UNC5D: variants seen among roughly 807,000 people sequenced by gnomAD.
UNC5D encodes the protein netrin receptor UNC5D.
UNC5D carries 39 observed loss-of-function variants against 105.4 expected under a neutral mutation model. The observed-to-expected ratio is 0.37, with a 90% CI of 0.29 to 0.48. The LOEUF (loss-of-function observed/expected upper bound fraction) is 0.48. Ranked by LOEUF, UNC5D falls within the 20% of genes least tolerant of loss-of-function variation. The pLI is 0.98. For synonymous variants in UNC5D, 452 were observed against 450.4 expected (o/e 1.00, Z -0.04); for missense variants, 991 against 1,202.4 (o/e 0.82, Z 2.60).
At position 35,627,627 on chromosome 8, in the gene UNC5D, T is replaced by A. The variant is rs535745908; in HGVS notation, c.570+31970T>A. Reference sequence around the variant, plus strand: ...GCCATTCCCCAGTTGACAGTACTGTTTTTAAAAAGAATAAAACTTGACTGG... The same window carrying A: ...GCCATTCCCCAGTTGACAGTACTGTATTTAAAAAGAATAAAACTTGACTGG... On this transcript the variant is annotated intron_variant, in intron 4 of 16. Transcript: ENST00000404895. Among the ~76,000 whole-genome samples, 3 of 152,266 alleles carry A rather than the reference T, an allele frequency of 2.0e-5. No individual in the cohort carries two copies. The South Asian group carries it at 6.2e-4, about 32-fold the overall frequency.
chr8:35,432,273 T>C (rs1314142301), intron 1 of UNC5D, among the ~76,000 whole-genome samples: 1 of 152,180 alleles, frequency 6.6e-6, no homozygotes, highest in Non-Finnish European at 1.5e-5. Context: ...ACCTCTATTA[T>C]TGTTGTTATT....
intron 1 of UNC5D, among the ~76,000 whole-genome samples, chr8:35,485,040 G>T (rs1810737318): frequency 6.6e-6 from 1 of 152,130 alleles, no homozygotes; most frequent in African/African-American, 2.4e-5. Context: ...GAGATGTATG[G>T]TAGCAACACT....
chr8:35,667,908 A>G (rs2131262334), intron 4 of UNC5D, among the ~76,000 whole-genome samples: 1 of 152,316 alleles, frequency 6.6e-6, no homozygotes, highest in East Asian at 1.9e-4. Context: ...AGTTGTGATT[A>G]AAGTTATTCT....
intron 1 of UNC5D, among the ~76,000 whole-genome samples, chr8:35,469,443 T>C (rs1809551636): frequency 6.6e-6 from 1 of 152,156 alleles, no homozygotes; most frequent in South Asian, 2.1e-4. Flanking sequence ...AAAGAGCCCA[T>C]AGATTACCAA....
intron 10 of UNC5D, chr8:35,726,756 C>A: frequency 1.6e-6 from 1 of 629,588 alleles, no homozygotes; most frequent in Non-Finnish European, 2.7e-6. Context: ...CTTTGATTCC[C>A]TGTTAGAGCT....
intron 1 of UNC5D, among the ~76,000 whole-genome samples, chr8:35,498,789 G>A (rs1230205359): frequency 6.6e-6 from 1 of 151,994 alleles, no homozygotes; most frequent in Non-Finnish European, 1.5e-5. Context: ...AATCGCTAAA[G>A]GAAATGTGTG....
chr8:35,265,438 A>G (rs1174445173), intron 1 of UNC5D, among the ~76,000 whole-genome samples: 2 of 152,204 alleles, frequency 1.3e-5, no homozygotes, highest in African/African-American at 4.8e-5. Context: ...GCAGCTATAG[A>G]CAATCCATTA....
At chr8:35,456,978 G>C (rs1341985564) in intron 1 of UNC5D, among the ~76,000 whole-genome samples, 1 of 152,148 alleles carries the variant, frequency 6.6e-6, no homozygotes, top group South Asian at 2.1e-4. Context: ...TATGTTACTT[G>C]TGGTGCATTT....
At chr8:35,754,708 T>C (rs1021997364) in intron 13 of UNC5D, among the ~76,000 whole-genome samples, 3 of 152,192 alleles carry the variant, frequency 2.0e-5, no homozygotes, top group Admixed American at 2.0e-4. Flanking sequence ...TTTAGTCCTG[T>C]CTTCCTTTCC....
At chr8:35,510,768 G>A (rs1005370383) in intron 1 of UNC5D, among the ~76,000 whole-genome samples, 6 of 152,182 alleles carry the variant, frequency 3.9e-5, no homozygotes, top group African/African-American at 1.4e-4. Flanking sequence ...GTCCTGGGTA[G>A]TATACACAAG....
At chr8:35,339,878 C>A (rs1326359213) in intron 1 of UNC5D, among the ~76,000 whole-genome samples, 5 of 152,094 alleles carry the variant, frequency 3.3e-5, no homozygotes, top group African/African-American at 4.8e-5. Flanking sequence ...GGGTTGAGAT[C>A]AAAAAGTAAC....
intron 1 of UNC5D, among the ~76,000 whole-genome samples, chr8:35,382,986 G>T (rs1383718656): frequency 6.6e-6 from 1 of 152,112 alleles, no homozygotes; most frequent in Admixed American, 6.6e-5. Context: ...TTCAGATGTT[G>T]GATTAAACCT....
intron 8 of UNC5D, among the ~76,000 whole-genome samples, chr8:35,716,324 TAGAGAA>T: frequency 6.6e-6 from 1 of 152,278 alleles, no homozygotes; most frequent in East Asian, 1.9e-4. Context: ...GTGTAGTTCT[TAGAGAA>T]AGAGAAGTCA....
At chr8:35,367,711 G>A (rs1451239812) in intron 1 of UNC5D, among the ~76,000 whole-genome samples, 1 of 151,578 alleles carries the variant, frequency 6.6e-6, no homozygotes, top group East Asian at 1.9e-4. Flanking sequence ...GAGCAGGCAA[G>A]AGGAGTGAAT....
In UNC5D at chr8:35,726,543, G is replaced by C. The variant is rs1828884056; in HGVS notation, c.1681+14G>C. 4 of 1,605,422 alleles carry C rather than the reference G, an allele frequency of 2.5e-6. No individual in the cohort carries two copies. The South Asian group carries it at 4.4e-5, about 18-fold the overall frequency. ...TGCCAAATACAGGTGGGTGGTAAGT[G>C]TGTGTTTGTGTATTTTCCATCATTT... On this transcript the variant is annotated intron_variant, in intron 10 of 16. Coordinates refer to ENST00000404895, the MANE Select transcript of UNC5D (RefSeq NM_080872.4).
intron 1 of UNC5D, among the ~76,000 whole-genome samples, chr8:35,398,529 T>G (rs1440806283): frequency 6.6e-6 from 1 of 151,108 alleles, no homozygotes; most frequent in African/African-American, 2.4e-5. Context: ...TAAGCAGACA[T>G]TAAAAAAAAA....
At chr8:35,365,722 G>A (rs1383431118) in intron 1 of UNC5D, among the ~76,000 whole-genome samples, 2 of 152,056 alleles carry the variant, frequency 1.3e-5, no homozygotes, top group African/African-American at 2.4e-5. Context: ...AGGGGAAATG[G>A]GGAAGGGTAT....
chr8:35,332,046 G>C (rs1810667894), intron 1 of UNC5D, among the ~76,000 whole-genome samples: 1 of 152,168 alleles, frequency 6.6e-6, no homozygotes, highest in Admixed American at 6.5e-5. Flanking sequence ...TCACATGTCA[G>C]AATCTTCTAA....
At chr8:35,546,579 A>G (rs1362113422) in intron 1 of UNC5D, among the ~76,000 whole-genome samples, 1 of 152,194 alleles carries the variant, frequency 6.6e-6, no homozygotes, top group Non-Finnish European at 1.5e-5. Context: ...TATGAATTGA[A>G]CAATGAATTA....
Sources: allele counts gnomAD v4.1 joint callset (sites outside exome capture counted in the v4.1 genomes callset), GRCh38; gene constraint gnomAD v4.1.1; transcripts MANE v1.5; gene names NCBI Gene and HGNC (gene_info 2026-07-23, HGNC 2026-07-21).